EXT1: variants seen among roughly 807,000 people sequenced by gnomAD.
EXT1 encodes exostosin-1.
A neutral mutation model predicts 82.5 loss-of-function variants in EXT1; 20 were observed. That is an observed-to-expected ratio of 0.24 (90% confidence interval 0.17 to 0.35). EXT1 has a LOEUF of 0.35. Ranked by LOEUF, EXT1 falls within the 10% of genes least tolerant of loss-of-function variation. The pLI is 1.00. For synonymous variants in EXT1, 348 were observed against 350.8 expected (o/e 0.99, Z 0.09); for missense variants, 757 against 936.5 (o/e 0.81, Z 2.50).
intron 1 of EXT1, among the ~76,000 whole-genome samples, chr8:118,090,179 T>A (rs1350788537): frequency 6.6e-6 from 1 of 152,132 alleles, no homozygotes; most frequent in East Asian, 1.9e-4. Context: ...CCCAACACTT[T>A]GGGATGCCAA....
rs552821853 is a variant in EXT1 at position 117,970,077 on chromosome 8, T to C, written c.963-132876A>G. 6.8e-4 allele frequency among the ~76,000 whole-genome samples: 103 copies of C among 152,348 alleles called. 1 individual carries two copies. The South Asian group carries it at 0.02, about 30-fold the overall frequency. On this transcript the variant is annotated intron_variant, in intron 1 of 10. Transcript: ENST00000378204. ...GTTTCCTTTTGTGTAAAATGAGGGA[T>C]AAACCAGATAGTCTTTAGGTGGAAT...
chr8:117,850,273 C>T (rs560309729), intron 1 of EXT1, among the ~76,000 whole-genome samples: 4 of 152,218 alleles, frequency 2.6e-5, no homozygotes, highest in African/African-American at 4.8e-5. Flanking sequence ...TTGACAGCTC[C>T]GCTGTGTGTC....
chr8:117,914,213 C>A (rs1019169072), intron 1 of EXT1, among the ~76,000 whole-genome samples: 3 of 152,198 alleles, frequency 2.0e-5, no homozygotes, highest in African/African-American at 7.2e-5. Flanking sequence ...GTGAAGATTT[C>A]ATTTTAATAT....
At chr8:118,073,098 G>A (rs1004345171) in intron 1 of EXT1, among the ~76,000 whole-genome samples, 15 of 152,150 alleles carry the variant, frequency 9.9e-5, no homozygotes, top group African/African-American at 3.4e-4. Flanking sequence ...TTTCAGTATC[G>A]AAATATGTAA....
At chr8:117,844,450 G>A (rs1563577612) in intron 1 of EXT1, among the ~76,000 whole-genome samples, 1 of 152,078 alleles carries the variant, frequency 6.6e-6, no homozygotes. Flanking sequence ...ACCATACCTG[G>A]CCTAAAATTT....
At chr8:117,809,218 A>ATATATATATATATATATATATATATAT (rs1823280806) in intron 8 of EXT1, among the ~76,000 whole-genome samples, 1 of 107,946 alleles carries the variant, frequency 9.3e-6, no homozygotes, top group Non-Finnish European at 1.9e-5. Context: ...TGTGTGTATA[A>ATATATATATATATATATATATATATAT]ATATATATAT....
intron 1 of EXT1, among the ~76,000 whole-genome samples, chr8:117,876,818 G>A (rs1812980033): frequency 6.6e-6 from 1 of 152,156 alleles, no homozygotes; most frequent in African/African-American, 2.4e-5. Flanking sequence ...GATATTTACG[G>A]AAGCGCGTAT....
intron 1 of EXT1, among the ~76,000 whole-genome samples, chr8:117,946,718 C>G: frequency 6.6e-6 from 1 of 152,334 alleles, no homozygotes; most frequent in South Asian, 2.1e-4. Context: ...GGAGGGCCCA[C>G]GGCCTCTGAA....
At chr8:117,852,522 A>G (rs1405374343) in intron 1 of EXT1, among the ~76,000 whole-genome samples, 4 of 152,212 alleles carry the variant, frequency 2.6e-5, no homozygotes, top group Non-Finnish European at 4.4e-5. Flanking sequence ...CCAATGGAAC[A>G]TAGAAACTTC....
At chr8:117,964,375 T>C (rs1814762841) in intron 1 of EXT1, among the ~76,000 whole-genome samples, 1 of 152,204 alleles carries the variant, frequency 6.6e-6, no homozygotes, top group African/African-American at 2.4e-5. Context: ...CCTCAAGGTA[T>C]GTGTGTAAGC....
At chr8:118,036,951 G>T (rs745951126) in intron 1 of EXT1, among the ~76,000 whole-genome samples, 1 of 151,946 alleles carries the variant, frequency 6.6e-6, no homozygotes, top group Non-Finnish European at 1.5e-5. Context: ...GAATCTCCAG[G>T]GTCTAGGGGC....
intron 1 of EXT1, among the ~76,000 whole-genome samples, chr8:117,858,770 C>CA (rs1563582026): frequency 1.0e-4 from 8 of 77,040 alleles, no homozygotes; most frequent in South Asian, 5.1e-4. Context: ...GGAAGGAAGG[C>CA]AGGCAGGCAG....
chr8:118,023,486 T>C (rs1449727294), intron 1 of EXT1, among the ~76,000 whole-genome samples: 1 of 152,152 alleles, frequency 6.6e-6, no homozygotes, highest in Non-Finnish European at 1.5e-5. Context: ...TCTGAGCCAT[T>C]TTAAGTGCAA....
At chr8:117,881,628 C>G (rs775116703) in intron 1 of EXT1, among the ~76,000 whole-genome samples, 12 of 152,122 alleles carry the variant, frequency 7.9e-5, no homozygotes, top group Admixed American at 6.5e-4. Context: ...TTTGCGGCAA[C>G]GTAAAAACCA....
intron 8 of EXT1, among the ~76,000 whole-genome samples, chr8:117,808,169 C>T (rs1393846304): frequency 1.3e-5 from 2 of 152,170 alleles, no homozygotes; most frequent in Non-Finnish European, 2.9e-5. Context: ...AAACTCACTT[C>T]TGATTTCTAT....
chr8:117,821,936 CTTAT>C (rs1293123015), intron 5 of EXT1, among the ~76,000 whole-genome samples: 1 of 152,280 alleles, frequency 6.6e-6, no homozygotes, highest in Non-Finnish European at 1.5e-5. Flanking sequence ...GAGATTGTAT[CTTAT>C]TTGACTTTTT....
At chr8:117,895,876 C>T (rs914942106) in intron 1 of EXT1, among the ~76,000 whole-genome samples, 1 of 152,186 alleles carries the variant, frequency 6.6e-6, no homozygotes, top group African/African-American at 2.4e-5. Flanking sequence ...AAGTAACGCT[C>T]ATTACCTGCA....
chr8:117,847,141 G>T (rs1432223535), intron 1 of EXT1, among the ~76,000 whole-genome samples: 2 of 152,148 alleles, frequency 1.3e-5, no homozygotes, highest in Middle Eastern at 3.2e-3. Flanking sequence ...TGAATGTAAG[G>T]TGCTCAGTGT....
At chr8:117,954,169 G>A (rs1037495085) in intron 1 of EXT1, among the ~76,000 whole-genome samples, 6 of 152,132 alleles carry the variant, frequency 3.9e-5, no homozygotes, top group African/African-American at 7.2e-5. Context: ...TGCTTGACCC[G>A]CGACTAATGG....
Sources: allele counts gnomAD v4.1 joint callset (sites outside exome capture counted in the v4.1 genomes callset), GRCh38; gene constraint gnomAD v4.1.1; transcripts MANE v1.5; gene names NCBI Gene and HGNC (gene_info 2026-07-23, HGNC 2026-07-21).